The following LHFPL7 variants were observed in gnomAD, a reference collection of about 807,000 sequenced individuals.
The protein encoded by LHFPL7 is LHFPL tetraspan subfamily member 7.
the LHFPL7 span, among the ~76,000 whole-genome samples, chr22:24,945,099 C>T: frequency 8.5e-5 from 13 of 152,180 alleles, no homozygotes; most frequent in Admixed American, 2.6e-4. Flanking sequence ...TGAGCCACCG[C>T]GCCTGGCCGC....
At chr22:24,939,433 C>G in the LHFPL7 span, 1 of 703,012 alleles carries the variant, frequency 1.4e-6, no homozygotes, top group Non-Finnish European at 2.6e-6. Context: ...GTGAGGATGC[C>G]AAAGGAGAAG....
chr22:24,939,580 T>A, the LHFPL7 span: 1 of 701,322 alleles, frequency 1.4e-6, no homozygotes, highest in African/African-American at 1.7e-5. Flanking sequence ...AGATTACTAA[T>A]GGAGACTGCA....
chr22:24,939,763 C>G, the LHFPL7 span, among the ~76,000 whole-genome samples: 1 of 152,034 alleles, frequency 6.6e-6, no homozygotes, highest in Admixed American at 6.5e-5. Flanking sequence ...AGAAGTACAA[C>G]CCCCAAGTCC....
At chr22:24,943,961 A>T in the LHFPL7 span, among the ~76,000 whole-genome samples, 1 of 152,162 alleles carries the variant, frequency 6.6e-6, no homozygotes, top group African/African-American at 2.4e-5. Context: ...TCAATCATTC[A>T]TTCAACTTTA....
chr22:24,940,853 A>G, the LHFPL7 span, among the ~76,000 whole-genome samples: 119,621 of 151,336 alleles, frequency 0.79, 48,277 homozygotes, highest in Non-Finnish European at 0.86. Context: ...TGCCACCTCA[A>G]ACTCCTGGGT....
chr22:24,940,747 TTCCCTCCCTCCCTCCC>T, the LHFPL7 span, among the ~76,000 whole-genome samples: 1 of 140,456 alleles, frequency 7.1e-6, no homozygotes, highest in African/African-American at 2.6e-5. Context: ...CCTTCCTTCC[TTCCCTCCCTCCCTCCC>T]TCCTTCCTTC....
chr22:24,938,707 A>G, the LHFPL7 span, among the ~76,000 whole-genome samples: 1 of 152,126 alleles, frequency 6.6e-6, no homozygotes, highest in Non-Finnish European at 1.5e-5. Context: ...ATAACAATCA[A>G]TTTTGAAGGC....
chr22:24,936,321 C>T, the LHFPL7 span, among the ~76,000 whole-genome samples: 1 of 152,092 alleles, frequency 6.6e-6, no homozygotes, highest in African/African-American at 2.4e-5. Context: ...ATATTCCATT[C>T]TATCAATTTT....
the LHFPL7 span, among the ~76,000 whole-genome samples, chr22:24,945,356 C>T: frequency 6.6e-6 from 1 of 152,064 alleles, no homozygotes; most frequent in Non-Finnish European, 1.5e-5. Context: ...GAAGATGACT[C>T]GTCAGTCAGA....
chr22:24,940,733 G>C, the LHFPL7 span, among the ~76,000 whole-genome samples: 1,064 of 30,634 alleles, frequency 0.035, 7 homozygotes, highest in Middle Eastern at 0.062. Context: ...TTCCTTCCTT[G>C]CTTCCTTCCT....
chr22:24,939,642 G>A, the LHFPL7 span: 1 of 680,262 alleles, frequency 1.5e-6, no homozygotes, highest in African/African-American at 1.8e-5. Flanking sequence ...CAGGGATCTG[G>A]TGTTATGATC....
chr22:24,937,774 G>C, the LHFPL7 span, among the ~76,000 whole-genome samples: 1 of 152,216 alleles, frequency 6.6e-6, no homozygotes, highest in African/African-American at 2.4e-5. Context: ...AGCAAGTGAA[G>C]TATGGACTAG....
chr22:24,935,644 A>G, the LHFPL7 span: 2 of 1,572,356 alleles, frequency 1.3e-6, no homozygotes, highest in Non-Finnish European at 1.7e-6. Context: ...GGGGTACCTC[A>G]CTAACTTTCC....
the LHFPL7 span, chr22:24,935,524 C>T: frequency 1.9e-6 from 3 of 1,613,846 alleles, no homozygotes; most frequent in South Asian, 2.2e-5. Context: ...GAGGAGGCTT[C>T]GCACACTTCC....
At chr22:24,939,160 G>A in the LHFPL7 span, among the ~76,000 whole-genome samples, 1 of 152,218 alleles carries the variant, frequency 6.6e-6, no homozygotes, top group Non-Finnish European at 1.5e-5. Context: ...CTGAAGGGCT[G>A]TCAGGTTGAA....
chr22:24,944,034 G>A, the LHFPL7 span, among the ~76,000 whole-genome samples: 3 of 152,282 alleles, frequency 2.0e-5, no homozygotes, highest in Admixed American at 6.5e-5. Context: ...TGAACAGAAC[G>A]TAGTCCCCAC....
chr22:24,938,405 G>T, the LHFPL7 span: 1 of 1,556,480 alleles, frequency 6.4e-7, no homozygotes. Context: ...GGCTGGGACA[G>T]GGGCAGGTGG....
At chr22:24,938,932 T>G in the LHFPL7 span, among the ~76,000 whole-genome samples, 1 of 152,256 alleles carries the variant, frequency 6.6e-6, no homozygotes, top group East Asian at 1.9e-4. Context: ...TGCAAACTGA[T>G]TACAGTGACT....
At chr22:24,938,421 C>T in the LHFPL7 span, 1 of 1,497,070 alleles carries the variant, frequency 6.7e-7, no homozygotes, top group Non-Finnish European at 9.0e-7. Context: ...GGTGGATGCT[C>T]CCCTGCTCAT....
Sources: gnomAD v4.1 joint callset for allele counts (sites outside exome capture counted in the v4.1 genomes callset) on GRCh38, gnomAD v4.1.1 for gene constraint, MANE v1.5 for transcripts, NCBI Gene and HGNC (gene_info 2026-07-23, HGNC 2026-07-21) for gene names.